The following CEP55 variants were observed in gnomAD, a reference collection of about 807,000 sequenced individuals.
CEP55 encodes the protein centrosomal protein 55.
In CEP55, 57 loss-of-function variants were observed where a neutral mutation model predicts 63.2. The ratio of observed to expected loss-of-function variants is 0.90; its 90% CI spans 0.73 to 1.13. The LOEUF (loss-of-function observed/expected upper bound fraction) is 1.13, where lower values mean the gene tolerates loss of function less well. Ranked by LOEUF, CEP55 falls within the 50% of genes most tolerant of loss-of-function variation. The probability of loss-of-function intolerance (pLI) is 0.00; values close to 1 mark genes in which losing one functional copy is unlikely to be tolerated. For missense variants in CEP55, 456 were observed against 518.9 expected, an observed-to-expected ratio of 0.88 and a Z score of 1.18; for synonymous variants, 178 against 191.6, an observed-to-expected ratio of 0.93 and a Z score of 0.59.
Position 93,516,924 on chromosome 10 carries a change from G to A in CEP55, c.680-11G>A. On this transcript the variant is annotated splice_polypyrimidine_tract_variant and intron_variant, in intron 5 of 8. Transcript: ENST00000371485. ...ATAAAGTGAGTTGTGCCGTAATGTT[G>A]TTTGTCATAGGTTATCTTCAAGAAG... is the stretch of plus-strand genomic sequence containing the variant. The A allele has an allele frequency of 1.3e-6, 2 of 1,544,790 alleles. No homozygotes were observed. Among genetic ancestry groups the A allele is most frequent in the Non-Finnish European group, 1.7e-6 (2 of 1,142,860 alleles).
rs2057618023 is a variant in CEP55 at position 93,500,159 on chromosome 10, C to T, written c.108C>T (p.His36=). The change falls in exon 2 of 9, where the codon CAC becomes CAT. Residue 36 remains histidine (H), a synonymous_variant. Transcript: ENST00000371485. The part of the protein sequence containing the change: ...TLEKLKGEIA[H]LKTSVDEITS... ...AAAAATTAAAGGGAGAAATTGCACACTTAAAGACATCAGTGGATGAAATCA... is the reference window on the plus strand; with the variant it reads ...AAAAATTAAAGGGAGAAATTGCACATTTAAAGACATCAGTGGATGAAATCA... The T allele has an allele frequency of 1.2e-6, 2 of 1,613,824 alleles. No individual in the cohort carries two copies. Among genetic ancestry groups the T allele is most frequent in the Non-Finnish European group, 1.7e-6 (2 of 1,179,836 alleles).
chr10:93,516,077 A>G (rs2057800662), intron 5 of CEP55, among the ~76,000 whole-genome samples: 1 of 152,226 alleles, frequency 6.6e-6, no homozygotes, highest in Admixed American at 6.5e-5. Flanking sequence ...CAACCCTAAG[A>G]GGCGGGGCAG....
intron 4 of CEP55, among the ~76,000 whole-genome samples, chr10:93,513,607 A>G (rs984013390): frequency 6.6e-6 from 1 of 152,220 alleles, no homozygotes; most frequent in African/African-American, 2.4e-5. Flanking sequence ...GAAGAATTTT[A>G]TCTATGCATA....
intron 4 of CEP55, among the ~76,000 whole-genome samples, chr10:93,511,608 A>T (rs1284162959): frequency 2.0e-5 from 3 of 151,250 alleles, no homozygotes; most frequent in South Asian, 2.1e-4. Flanking sequence ...TTAATTAATT[A>T]ATTTATTTTT....
chr10:93,517,328 C>A, intron 6 of CEP55, 80 bp downstream of exon 6: 1 of 1,178,614 alleles, frequency 8.5e-7, no homozygotes. Context: ...CACTAGAGAA[C>A]TGGCTAGGGA....
rs1209101200 is a variant in CEP55, at chr10:93,503,302, A to T, written c.373A>T (p.Lys125Ter). 1 of 1,614,200 alleles carries T rather than the reference A, an allele frequency of 6.2e-7. No homozygotes were observed. The highest frequency in any genetic ancestry group is 8.5e-7 in the Non-Finnish European group (1 of 1,180,032). ...EQVLKALSEE[K>*]DVLKQQLSAA... ...GGTGTTGAAAGCCTTATCTGAAGAG[A>T]AAGACGTATTGAAACAACAGTTGTC... Residue 125 changes from lysine to a stop codon, truncating the protein, a stop_gained, in exon 3 of 9, where the codon AAA (lysine) becomes TAA (stop). Transcript: ENST00000371485. LOFTEE classifies it high-confidence loss of function.
intron 8 of CEP55, among the ~76,000 whole-genome samples, chr10:93,524,752 G>A (rs1306110548): frequency 6.6e-6 from 1 of 152,098 alleles, no homozygotes; most frequent in Admixed American, 6.5e-5. Flanking sequence ...TGATCAAGTG[G>A]GCATCATCCC....
At position 93,501,558 on chromosome 10, in the gene CEP55, A is replaced by T. The variant is rs150095011; in HGVS notation, c.183+1324A>T. 4.6e-3 allele frequency among the ~76,000 whole-genome samples: 705 copies of T among 152,004 alleles called. 4 individuals carry two copies. The highest frequency in any genetic ancestry group is 0.016 in the African/African-American group (681 of 41,428). ...TTGGTGTGCACCTGTAATCCCAACT[A>T]CTCGGGAAGCTGAGGCAGGAGAATC... On this transcript the variant is annotated intron_variant, in intron 2 of 8. Coordinates refer to ENST00000371485, the MANE Select transcript of CEP55 (RefSeq NM_018131.5).
chr10:93,500,277 A>G, intron 2 of CEP55, 43 bp downstream of exon 2: 1 of 1,479,186 alleles, frequency 6.8e-7, no homozygotes, highest in African/African-American at 1.4e-5. Context: ...CTCTCCAAGA[A>G]AGCGATGCAT....
chr10:93,514,179 C>T (rs1456833092), intron 4 of CEP55, among the ~76,000 whole-genome samples: 8 of 152,058 alleles, frequency 5.3e-5, no homozygotes, highest in Admixed American at 1.3e-4. Flanking sequence ...GTAATCCGCC[C>T]GCCTCGGCCT....
At chr10:93,498,215 G>A (rs1014391507) in intron 1 of CEP55, among the ~76,000 whole-genome samples, 2 of 152,080 alleles carry the variant, frequency 1.3e-5, no homozygotes, top group Admixed American at 6.6e-5. Flanking sequence ...ACTAGGTGGT[G>A]GGGGAGATCC....
chr10:93,516,914 C>T (rs759834831), intron 5 of CEP55, 21 bp from the exon 6 acceptor site: 1 of 1,484,520 alleles, frequency 6.7e-7, no homozygotes, highest in Non-Finnish European at 9.1e-7. Context: ...GTGAGTTGTG[C>T]CGTAATGTTG....
At chr10:93,507,270 A>C (rs1589649180) in intron 4 of CEP55, among the ~76,000 whole-genome samples, 1 of 141,378 alleles carries the variant, frequency 7.1e-6, no homozygotes, top group African/African-American at 2.6e-5. Context: ...TCTGTTGCCC[A>C]GGCTGGAGTG....
chr10:93,523,493 G>T (rs2057885820), intron 8 of CEP55, among the ~76,000 whole-genome samples: 3 of 152,158 alleles, frequency 2.0e-5, no homozygotes, highest in Non-Finnish European at 4.4e-5. Context: ...AATAATGGGA[G>T]ACTTTAACAC....
rs200933834 is a variant in CEP55 at position 93,500,127 on chromosome 10, A to G, written c.76A>G (p.Thr26Ala). 1.9e-6 allele frequency: 3 copies of G among 1,613,742 alleles called. No individual in the cohort carries two copies. In the South Asian group the frequency reaches 3.3e-5, roughly 18 times the overall value. The change falls in exon 2 of 9, where the codon ACA (threonine) becomes GCA (alanine). Residue 26 changes from threonine to alanine, a missense_variant. Coordinates refer to ENST00000371485, the MANE Select transcript of CEP55 (RefSeq NM_018131.5). Reference protein sequence around the residue: ...SKPSNSKSETTLEKLKGEIAH... With the variant: ...SKPSNSKSETALEKLKGEIAH... ...GCCTAGTAACTCCAAATCCGAAACT[A>G]CATTAGAAAAATTAAAGGGAGAAAT...
At chr10:93,503,017 A>T in intron 2 of CEP55, 96 bp from the exon 3 acceptor site, 1 of 1,187,440 alleles carries the variant, frequency 8.4e-7, no homozygotes. Context: ...TGCTGACTTG[A>T]TAATAAATGC....
In CEP55 at chr10:93,528,345, G is replaced by T; in HGVS notation, c.*192G>T. 1 of 592,704 alleles carries T rather than the reference G, an allele frequency of 1.7e-6. No homozygotes were observed. The highest frequency in any genetic ancestry group is 3.0e-6 in the Non-Finnish European group (1 of 333,432). 36.7% of individuals were successfully genotyped at this position (592,704 alleles called of 1,614,324 possible). On this transcript the variant is annotated 3_prime_UTR_variant, in exon 9 of 9. Transcript: ENST00000371485. ...CTTGGCAGTGATACCTCCCTGACAT[G>T]GTTCATCATCAGGCTGCAATGACAG...
intron 4 of CEP55, among the ~76,000 whole-genome samples, chr10:93,514,209 A>G (rs1330532707): frequency 1.3e-5 from 2 of 152,202 alleles, no homozygotes; most frequent in Non-Finnish European, 2.9e-5. Flanking sequence ...CTGGGATTAC[A>G]GGTGTGAGCC....
chr10:93,506,842 G>C, intron 3 of CEP55, 146 bp from the exon 4 acceptor site: 1 of 671,844 alleles, frequency 1.5e-6, no homozygotes, highest in Non-Finnish European at 2.7e-6. Context: ...CCAGAGTGCT[G>C]GGATTATAGG....
Sources: allele counts gnomAD v4.1 joint callset (sites outside exome capture counted in the v4.1 genomes callset), GRCh38; gene constraint gnomAD v4.1.1; transcripts MANE v1.5; gene names NCBI Gene and HGNC (gene_info 2026-07-23, HGNC 2026-07-21).